Variants in PCCA observed in about 807,000 individuals in gnomAD.
PCCA encodes propionyl-CoA carboxylase alpha chain, mitochondrial.
Under a neutral mutation model 101.3 loss-of-function variants are expected in PCCA, and 74 were observed. The observed-to-expected ratio is 0.73, with a 90% CI of 0.61 to 0.89. PCCA has a LOEUF of 0.89. Among genes scored for constraint, PCCA ranks in the 40% least tolerant of loss-of-function variants. The probability of loss-of-function intolerance (pLI) is 0.00; values close to 1 mark genes in which losing one functional copy is unlikely to be tolerated. For missense variants in PCCA, 891 were observed against 907.0 expected (o/e 0.98, Z 0.23); for synonymous variants, 294 against 313.6 (o/e 0.94, Z 0.66).
chr13:100,179,375 G>GA (rs200422379), intron 6 of PCCA, among the ~76,000 whole-genome samples: 3 of 151,720 alleles, frequency 2.0e-5, no homozygotes, highest in African/African-American at 4.8e-5. Context: ...CATTTTACTG[G>GA]AAAAAAAAGA....
At chr13:100,326,865 T>A (rs963537418) in intron 16 of PCCA, among the ~76,000 whole-genome samples, 1 of 152,208 alleles carries the variant, frequency 6.6e-6, no homozygotes, top group Non-Finnish European at 1.5e-5. Flanking sequence ...TTGACTATGT[T>A]TTCAGCAAGG....
At chr13:100,361,243 C>T (rs2074549860) in intron 18 of PCCA, among the ~76,000 whole-genome samples, 2 of 152,038 alleles carry the variant, frequency 1.3e-5, no homozygotes, top group African/African-American at 4.8e-5. Context: ...TTTGTCAAAA[C>T]CCACAGAATG....
At chr13:100,273,619 T>C (rs1256956394) in intron 12 of PCCA, among the ~76,000 whole-genome samples, 2 of 152,224 alleles carry the variant, frequency 1.3e-5, no homozygotes, top group Non-Finnish European at 2.9e-5. Flanking sequence ...ACTGTATTTG[T>C]CAGTGTGTAT....
intron 6 of PCCA, among the ~76,000 whole-genome samples, chr13:100,173,446 A>G (rs903094777): frequency 6.6e-6 from 1 of 152,344 alleles, no homozygotes; most frequent in East Asian, 1.9e-4. Flanking sequence ...TATCAAGTAA[A>G]TAATAAGAGA....
At chr13:100,377,373 A>AT (rs1237108318) in intron 19 of PCCA, among the ~76,000 whole-genome samples, 1 of 152,048 alleles carries the variant, frequency 6.6e-6, no homozygotes, top group Non-Finnish European at 1.5e-5. Context: ...GGATGGAACA[A>AT]TTTTTTCCAT....
At chr13:100,256,795 A>T (rs752165888) in intron 8 of PCCA, among the ~76,000 whole-genome samples, 3 of 152,180 alleles carry the variant, frequency 2.0e-5, no homozygotes, top group Non-Finnish European at 4.4e-5. Context: ...GAGTATCTCT[A>T]CCTTGTTTTT....
intron 19 of PCCA, among the ~76,000 whole-genome samples, chr13:100,411,310 C>G (rs1016396273): frequency 6.6e-6 from 1 of 150,794 alleles, no homozygotes; most frequent in Non-Finnish European, 1.5e-5. Flanking sequence ...ACTGTTACCT[C>G]TGCCTCCCAG....
intron 9 of PCCA, among the ~76,000 whole-genome samples, chr13:100,261,538 G>A (rs1368591453): frequency 6.6e-6 from 1 of 151,782 alleles, no homozygotes; most frequent in Non-Finnish European, 1.5e-5. Flanking sequence ...GCTAATTTTT[G>A]TATTTTTAGT....
At chr13:100,123,175 C>A (rs966200129) in intron 4 of PCCA, among the ~76,000 whole-genome samples, 1 of 152,182 alleles carries the variant, frequency 6.6e-6, no homozygotes, top group African/African-American at 2.4e-5. Flanking sequence ...CATGCCTCAG[C>A]CTCCCGAGTA....
intron 22 of PCCA, 66 bp downstream of exon 22, chr13:100,515,633 C>T: frequency 6.3e-7 from 1 of 1,575,460 alleles, no homozygotes; most frequent in Non-Finnish European, 8.7e-7. Context: ...AAAGCGACGG[C>T]TAACGGCACA....
intron 21 of PCCA, among the ~76,000 whole-genome samples, chr13:100,486,537 G>C (rs1158692728): frequency 6.6e-6 from 1 of 152,192 alleles, no homozygotes; most frequent in African/African-American, 2.4e-5. Flanking sequence ...TTACAAACAT[G>C]GAAAGATGCA....
chr13:100,333,242 C>T (rs1435933248), intron 17 of PCCA, among the ~76,000 whole-genome samples: 1 of 152,098 alleles, frequency 6.6e-6, no homozygotes, highest in Non-Finnish European at 1.5e-5. Context: ...CGTCTTTTGA[C>T]TGTTTGATAT....
At chr13:100,192,542 T>A (rs1353282184) in intron 6 of PCCA, among the ~76,000 whole-genome samples, 1 of 152,130 alleles carries the variant, frequency 6.6e-6, no homozygotes, top group Non-Finnish European at 1.5e-5. Context: ...GCAGGATCAT[T>A]ATTATTCTCT....
At chr13:100,097,948 C>T (rs2046925059) in intron 1 of PCCA, among the ~76,000 whole-genome samples, 1 of 151,876 alleles carries the variant, frequency 6.6e-6, no homozygotes, top group Non-Finnish European at 1.5e-5. Context: ...TGCTTGAATG[C>T]AGGAGTTCAA....
intron 1 of PCCA, among the ~76,000 whole-genome samples, chr13:100,095,075 C>G (rs2046645970): frequency 1.3e-5 from 2 of 152,192 alleles, no homozygotes; most frequent in African/African-American, 4.8e-5. Context: ...TTTCTTGCCT[C>G]TTTGAGCTTC....
At chr13:100,437,898 G>T (rs2080060714) in intron 20 of PCCA, among the ~76,000 whole-genome samples, 1 of 152,042 alleles carries the variant, frequency 6.6e-6, no homozygotes, top group African/African-American at 2.4e-5. Flanking sequence ...TTGAACTCCC[G>T]ACTTCAAGTT....
chr13:100,232,351 C>CGTGTGCTTGT (rs1555387984), intron 7 of PCCA, among the ~76,000 whole-genome samples: 3 of 131,180 alleles, frequency 2.3e-5, no homozygotes, highest in Non-Finnish European at 3.3e-5. Context: ...TGTGTGTATG[C>CGTGTGCTTGT]GTGTGTGTGT....
At chr13:100,325,515 A>T (rs1292101336) in intron 16 of PCCA, among the ~76,000 whole-genome samples, 1 of 152,232 alleles carries the variant, frequency 6.6e-6, no homozygotes, top group Non-Finnish European at 1.5e-5. Flanking sequence ...TTTTTAATGC[A>T]GACGCAAGTG....
chr13:100,196,469 A>C (rs1462428636), intron 6 of PCCA, among the ~76,000 whole-genome samples: 1 of 152,186 alleles, frequency 6.6e-6, no homozygotes, highest in African/African-American at 2.4e-5. Context: ...TACAGTGGGG[A>C]AAGTTACCAC....
Sources: gnomAD v4.1 joint callset for allele counts (sites outside exome capture counted in the v4.1 genomes callset) on GRCh38, gnomAD v4.1.1 for gene constraint, MANE v1.5 for transcripts, NCBI Gene and HGNC (gene_info 2026-07-23, HGNC 2026-07-21) for gene names.